The following EGF variants were observed in gnomAD, a reference collection of about 807,000 sequenced individuals.
The protein encoded by EGF is epidermal growth factor, also known as pro-epidermal growth factor.
Under a neutral mutation model 143.8 loss-of-function variants are expected in EGF, and 95 were observed. That is an observed-to-expected ratio of 0.66 (90% CI 0.56 to 0.78). The LOEUF (loss-of-function observed/expected upper bound fraction) is 0.78. Among genes scored for constraint, EGF ranks in the 30% least tolerant of loss-of-function variants. EGF has a pLI of 0.00. For missense variants in EGF, 1,320 were observed against 1,470.9 expected, an observed-to-expected ratio of 0.90 and a Z score of 1.68; for synonymous variants, 510 against 510.5, an observed-to-expected ratio of 1.00 and a Z score of 0.01.
intron 15 of EGF, 100 bp downstream of exon 15, chr4:109,981,075 T>C (rs1749292315): frequency 6.6e-7 from 1 of 1,523,760 alleles, no homozygotes; most frequent in Non-Finnish European, 9.1e-7. Context: ...ATTTTGGATG[T>C]TAAAAGTTCT....
At chr4:109,921,762 G>A (rs959386392) in intron 1 of EGF, among the ~76,000 whole-genome samples, 30 of 151,690 alleles carry the variant, frequency 2.0e-4, no homozygotes, top group Admixed American at 2.0e-3. Context: ...AGCACATGGT[G>A]TATCAGTTGA....
At chr4:109,973,063 T>C (rs1457672432) in intron 11 of EGF, among the ~76,000 whole-genome samples, 1 of 152,144 alleles carries the variant, frequency 6.6e-6, no homozygotes, top group Non-Finnish European at 1.5e-5. Flanking sequence ...AAGCAGGCAG[T>C]ACATTGGGAA....
chr4:110,004,882 A>T (rs564792098), intron 22 of EGF, among the ~76,000 whole-genome samples: 1 of 152,008 alleles, frequency 6.6e-6, no homozygotes, highest in Non-Finnish European at 1.5e-5. Context: ...TTTTTCTTTC[A>T]TGTAGATTCT....
At chr4:109,970,066 T>A (rs1477261934) in intron 11 of EGF, among the ~76,000 whole-genome samples, 9 of 152,164 alleles carry the variant, frequency 5.9e-5, no homozygotes, top group Admixed American at 5.2e-4. Context: ...AGATGCTCTT[T>A]GTTTCCCTAC....
rs929216233 is a variant in EGF, at chr4:109,968,812, C to T, written c.1576-159C>T. On this transcript the variant is annotated intron_variant, in intron 10 of 23. Transcript: ENST00000265171. Reference sequence around the variant, plus strand: ...ATTAAATAACTTGCTTAAGGTTACACGTATCTGGGAAGCAGCCTAGTTCGA... The same window carrying T: ...ATTAAATAACTTGCTTAAGGTTACATGTATCTGGGAAGCAGCCTAGTTCGA... The T allele has an allele frequency of 3.3e-5, 26 of 794,372 alleles. 1 individual carries two copies. The highest frequency in any genetic ancestry group is 3.6e-4 in the Middle Eastern group (1 of 2,786). The allele number at this position is 794,372 out of a possible 1,614,324, so 49.2% of individuals were successfully genotyped here.
chr4:109,944,314 C>T (rs1742464220), intron 4 of EGF, among the ~76,000 whole-genome samples: 1 of 152,000 alleles, frequency 6.6e-6, no homozygotes. Context: ...TGGCGAGCAC[C>T]TGTAGTCCCA....
At chr4:109,965,182 A>C (rs551405820) in intron 10 of EGF, among the ~76,000 whole-genome samples, 19 of 152,276 alleles carry the variant, frequency 1.2e-4, no homozygotes, top group Admixed American at 9.8e-4. Flanking sequence ...ATGATGTTAC[A>C]GTGTGTTTTG....
intron 1 of EGF, among the ~76,000 whole-genome samples, chr4:109,922,743 G>A (rs1560628393): frequency 2.0e-5 from 3 of 151,588 alleles, no homozygotes; most frequent in Admixed American, 2.0e-4. Flanking sequence ...TTAGGCCTCA[G>A]CTTTTGAAAT....
intron 20 of EGF, among the ~76,000 whole-genome samples, chr4:109,995,264 A>G (rs1461188523): frequency 6.6e-6 from 1 of 152,156 alleles, no homozygotes; most frequent in East Asian, 1.9e-4. Context: ...AGCATCCGTG[A>G]TCTGTTTCTG....
At chr4:109,935,281 C>T (rs991511789) in intron 1 of EGF, among the ~76,000 whole-genome samples, 2 of 151,938 alleles carry the variant, frequency 1.3e-5, no homozygotes, top group African/African-American at 2.4e-5. Flanking sequence ...CTTCACATCC[C>T]TTATAAGTTG....
rs528004075 is a variant in EGF, at chr4:109,923,818, G to A, written c.127+10356G>A. Among the ~76,000 whole-genome samples, 4 of 151,360 alleles carry A rather than the reference G, an allele frequency of 2.6e-5. 1 individual carries two copies. The highest frequency in any genetic ancestry group is 2.1e-4 in the South Asian group (1 of 4,812). ...GTATTTTTAGTAGAGACAGGATTTCGCCATGTTGCCCAGGCTGGTCTTGAA... is the reference window on the plus strand; with the variant it reads ...GTATTTTTAGTAGAGACAGGATTTCACCATGTTGCCCAGGCTGGTCTTGAA... On this transcript the variant is annotated intron_variant, in intron 1 of 23. Coordinates refer to ENST00000265171, the MANE Select transcript of EGF (RefSeq NM_001963.6).
At chr4:109,951,035 G>A (rs1315295943) in intron 5 of EGF, among the ~76,000 whole-genome samples, 2 of 151,968 alleles carry the variant, frequency 1.3e-5, no homozygotes, top group Non-Finnish European at 2.9e-5. Context: ...AGCCAGGCAC[G>A]GTGGCTCACA....
chr4:109,913,245 C>A lies in EGF; in HGVS notation c.-91C>A, dbSNP rs74541082. On this transcript the variant is annotated 5_prime_UTR_variant, in exon 1 of 24. Coordinates refer to ENST00000265171, the MANE Select transcript of EGF (RefSeq NM_001963.6). The stretch of plus-strand genomic sequence containing the variant: ...GGGCTGAGGCCTCCGCTCAGGCAGC[C>A]GCATCTGGGGTCAATCATACTCACC... The A allele has an allele frequency of 3.2e-6, 5 of 1,551,924 alleles. No homozygotes were observed. The highest frequency in any genetic ancestry group is 4.4e-6 in the Non-Finnish European group (5 of 1,129,926).
At chr4:109,931,629 A>G (rs1739716921) in intron 1 of EGF, among the ~76,000 whole-genome samples, 1 of 152,222 alleles carries the variant, frequency 6.6e-6, no homozygotes, top group Non-Finnish European at 1.5e-5. Flanking sequence ...CCAAGACCTG[A>G]GAATCACCTG....
chr4:109,973,055 G>T (rs1292137454), intron 11 of EGF, among the ~76,000 whole-genome samples: 1 of 152,186 alleles, frequency 6.6e-6, no homozygotes, highest in Admixed American at 6.5e-5. Context: ...AACAGGGAAA[G>T]CAGGCAGTAC....
Position 109,958,651 on chromosome 4 carries a change from AG to A in EGF, c.941-659del, listed in dbSNP as rs200727068. 9.1e-4 allele frequency among the ~76,000 whole-genome samples: 139 copies of A among 152,242 alleles called. 1 individual carries two copies. The East Asian group carries it at 0.025, about 27-fold the overall frequency. ...TTACACTTAAAAAGTATTCTTGGCC[AG>A]GCACAGTGGCTCATGCCTATAATCC... On this transcript the variant is annotated intron_variant, in intron 5 of 23. Coordinates refer to ENST00000265171, the MANE Select transcript of EGF (RefSeq NM_001963.6).
At chr4:110,009,012 A>G (rs995757929) in intron 23 of EGF, among the ~76,000 whole-genome samples, 7 of 152,186 alleles carry the variant, frequency 4.6e-5, no homozygotes, top group Non-Finnish European at 1.0e-4. Flanking sequence ...ATCAACTCCA[A>G]TTGAATTTTC....
intron 1 of EGF, among the ~76,000 whole-genome samples, chr4:109,939,593 G>T (rs1741558674): frequency 6.6e-6 from 1 of 152,172 alleles, no homozygotes; most frequent in Admixed American, 6.5e-5. Context: ...ACCTCAGTTG[G>T]AAATGCAGAA....
chr4:110,006,603 C>G (rs1205602911), intron 22 of EGF, among the ~76,000 whole-genome samples: 1 of 152,180 alleles, frequency 6.6e-6, no homozygotes, highest in African/African-American at 2.4e-5. Context: ...ACCCAGATGT[C>G]ACTTGTCAGT....
Sources: allele counts gnomAD v4.1 joint callset (sites outside exome capture counted in the v4.1 genomes callset), GRCh38; gene constraint gnomAD v4.1.1; transcripts MANE v1.5; gene names NCBI Gene and HGNC (gene_info 2026-07-23, HGNC 2026-07-21).